The following PRKCA variants were observed in gnomAD, a reference collection of about 807,000 sequenced individuals.
PRKCA encodes protein kinase C alpha.
In PRKCA, 27 loss-of-function variants were observed where a neutral mutation model predicts 87.0. The observed-to-expected ratio is 0.31, with a 90% CI of 0.23 to 0.43. PRKCA has a LOEUF of 0.43. PRKCA is among the 20% of genes least tolerant of loss of function. PRKCA has a pLI of 1.00. For synonymous variants in PRKCA, 329 were observed against 311.1 expected, an observed-to-expected ratio of 1.06 and a Z score of -0.61; for missense variants, 518 against 852.3, an observed-to-expected ratio of 0.61 and a Z score of 4.88.
intron 2 of PRKCA, among the ~76,000 whole-genome samples, chr17:66,379,309 C>T (rs1178761905): frequency 2.0e-5 from 3 of 152,190 alleles, no homozygotes; most frequent in Non-Finnish European, 4.4e-5. Flanking sequence ...ACATCTTCAC[C>T]AACATTTATT....
chr17:66,514,497 A>G (rs1514652), intron 3 of PRKCA, among the ~76,000 whole-genome samples: 97,679 of 151,792 alleles, frequency 0.64, 32,289 homozygotes, highest in African/African-American at 0.8. Context: ...CTAAGCAGCG[A>G]CTTGAACTGA....
At chr17:66,594,748 C>T (rs1221910635) in intron 3 of PRKCA, among the ~76,000 whole-genome samples, 2 of 152,162 alleles carry the variant, frequency 1.3e-5, no homozygotes, top group Admixed American at 1.3e-4. Flanking sequence ...CCACACGGGG[C>T]CCAGAACATC....
chr17:66,715,602 A>T (rs1425843360), intron 8 of PRKCA, among the ~76,000 whole-genome samples: 1 of 152,186 alleles, frequency 6.6e-6, no homozygotes, highest in African/African-American at 2.4e-5. Context: ...TTTTCTAGAA[A>T]TAGAGCACCC....
At chr17:66,696,188 G>A (rs1037459089) in intron 8 of PRKCA, among the ~76,000 whole-genome samples, 3 of 152,194 alleles carry the variant, frequency 2.0e-5, no homozygotes, top group Non-Finnish European at 4.4e-5. Flanking sequence ...AAGTGGTATT[G>A]CATAGTGGTT....
At chr17:66,711,881 G>A (rs1253561924) in intron 8 of PRKCA, among the ~76,000 whole-genome samples, 1 of 152,128 alleles carries the variant, frequency 6.6e-6, no homozygotes, top group Non-Finnish European at 1.5e-5. Flanking sequence ...GGAACCACAG[G>A]AGATTTGTGA....
At chr17:66,725,943 G>C (rs1477447472) in intron 8 of PRKCA, among the ~76,000 whole-genome samples, 2 of 152,160 alleles carry the variant, frequency 1.3e-5, no homozygotes, top group Non-Finnish European at 2.9e-5. Context: ...TGGGAGCCAG[G>C]TAAGGGTAGG....
intron 3 of PRKCA, among the ~76,000 whole-genome samples, chr17:66,607,315 G>A (rs1186114477): frequency 6.6e-6 from 1 of 152,054 alleles, no homozygotes; most frequent in Non-Finnish European, 1.5e-5. Context: ...ACATAGTTCT[G>A]TGGGAAAAAA....
chr17:66,660,915 AAATT>A (rs536435957), intron 5 of PRKCA, among the ~76,000 whole-genome samples: 9 of 151,726 alleles, frequency 5.9e-5, no homozygotes, highest in African/African-American at 1.5e-4. Flanking sequence ...TCTTAAAAAT[AAATT>A]AATTAATTAA....
intron 2 of PRKCA, among the ~76,000 whole-genome samples, chr17:66,475,029 A>G (rs1915481519): frequency 6.6e-6 from 1 of 152,184 alleles, no homozygotes; most frequent in Admixed American, 6.5e-5. Flanking sequence ...TTCAGGGACA[A>G]ACAGAACAAG....
intron 5 of PRKCA, among the ~76,000 whole-genome samples, chr17:66,646,983 G>A (rs148080153): frequency 6.6e-6 from 1 of 152,044 alleles, no homozygotes; most frequent in African/African-American, 2.4e-5. Flanking sequence ...ATTGCCTTTG[G>A]GGCTGTGATT....
intron 3 of PRKCA, among the ~76,000 whole-genome samples, chr17:66,500,579 G>T (rs1300351698): frequency 6.6e-6 from 1 of 152,136 alleles, no homozygotes; most frequent in Non-Finnish European, 1.5e-5. Flanking sequence ...AATGATCTGG[G>T]GTACTGTCAT....
Position 66,768,244 on chromosome 17 carries a change from A to AT in PRKCA, c.1525-5726dup, listed in dbSNP as rs148009151. ...CAAGCGTGAGCCACCATGCCCAGCCATTTTTTTTTTTTTTTTTGGGGGGGA... is the reference window on the plus strand; with the variant it reads ...CAAGCGTGAGCCACCATGCCCAGCCATTTTTTTTTTTTTTTTTTGGGGGGGA... On this transcript the variant is annotated intron_variant, in intron 13 of 16. Transcript: ENST00000413366. 7.6e-3 allele frequency among the ~76,000 whole-genome samples: 1,013 copies of AT among 132,462 alleles called. 4 individuals carry two copies. Among genetic ancestry groups the AT allele is most frequent in the African/African-American group, 0.018 (672 of 36,494 alleles). 86.9% of individuals were successfully genotyped at this position (132,462 alleles called of 152,430 possible).
chr17:66,333,100 A>G (rs558306396), intron 2 of PRKCA, among the ~76,000 whole-genome samples: 4 of 152,366 alleles, frequency 2.6e-5, no homozygotes, highest in African/African-American at 9.6e-5. Context: ...ATTTTCCTTT[A>G]CAACCATTTG....
chr17:66,728,839 G>A (rs1973817589), intron 8 of PRKCA, among the ~76,000 whole-genome samples: 1 of 152,246 alleles, frequency 6.6e-6, no homozygotes, highest in African/African-American at 2.4e-5. Context: ...GCATAGCTGG[G>A]TAGAACTGCG....
At chr17:66,513,957 G>C (rs1461554666) in intron 3 of PRKCA, among the ~76,000 whole-genome samples, 1 of 152,138 alleles carries the variant, frequency 6.6e-6, no homozygotes, top group African/African-American at 2.4e-5. Context: ...ATTTTCAACA[G>C]TTATAAAATT....
At chr17:66,721,878 C>T (rs1476938622) in intron 8 of PRKCA, among the ~76,000 whole-genome samples, 1 of 152,144 alleles carries the variant, frequency 6.6e-6, no homozygotes, top group African/African-American at 2.4e-5. Flanking sequence ...CAACAGGTCT[C>T]AGCCTCATTT....
chr17:66,721,867 C>G (rs1426986026), intron 8 of PRKCA, among the ~76,000 whole-genome samples: 1 of 152,024 alleles, frequency 6.6e-6, no homozygotes, highest in East Asian at 1.9e-4. Flanking sequence ...CAAATGCAGC[C>G]CAACAGGTCT....
chr17:66,679,109 C>G (rs919090188), intron 5 of PRKCA, among the ~76,000 whole-genome samples: 3 of 151,636 alleles, frequency 2.0e-5, no homozygotes, highest in African/African-American at 7.3e-5. Context: ...GTGACTGGAG[C>G]ACCCCAGTGT....
At chr17:66,666,546 A>G (rs114478538) in intron 5 of PRKCA, among the ~76,000 whole-genome samples, 36 of 152,284 alleles carry the variant, frequency 2.4e-4, no homozygotes, top group African/African-American at 7.2e-4. Context: ...CTGATCCAAT[A>G]TTGATGAATC....
Sources: allele counts gnomAD v4.1 joint callset (sites outside exome capture counted in the v4.1 genomes callset), GRCh38; gene constraint gnomAD v4.1.1; transcripts MANE v1.5; gene names NCBI Gene and HGNC (gene_info 2026-07-23, HGNC 2026-07-21).